The following STRN variants were observed in gnomAD, a reference collection of about 807,000 sequenced individuals.
The protein encoded by STRN is striatin.
STRN carries 53 observed loss-of-function variants against 96.3 expected under a neutral mutation model. That is an observed-to-expected ratio of 0.55 (90% CI 0.44 to 0.69). The LOEUF is 0.69. Ranked by LOEUF, STRN falls within the 30% of genes least tolerant of loss-of-function variation. STRN has a pLI of 0.00. For synonymous variants in STRN, 428 were observed against 355.9 expected, an observed-to-expected ratio of 1.20 and a Z score of -2.28; for missense variants, 987 against 963.9, an observed-to-expected ratio of 1.02 and a Z score of -0.32.
At chr2:36,931,413 G>C (rs943191000) in intron 1 of STRN, among the ~76,000 whole-genome samples, 1 of 152,154 alleles carries the variant, frequency 6.6e-6, no homozygotes, top group African/African-American at 2.4e-5. Context: ...TTCCAATCTC[G>C]TTAGGGTACA....
intron 8 of STRN, among the ~76,000 whole-genome samples, chr2:36,884,537 A>C (rs1669161376): frequency 6.6e-6 from 1 of 152,176 alleles, no homozygotes; most frequent in Admixed American, 6.5e-5. Flanking sequence ...TTGATTCTTC[A>C]TTCTCCCACA....
chr2:36,903,294 CAT>C (rs1451915337), intron 4 of STRN, among the ~76,000 whole-genome samples: 1 of 152,130 alleles, frequency 6.6e-6, no homozygotes, highest in East Asian at 1.9e-4. Context: ...TGTGTGTACA[CAT>C]GTGTGTGTAT....
intron 1 of STRN, among the ~76,000 whole-genome samples, chr2:36,950,718 G>T (rs190043045): frequency 6.6e-6 from 1 of 152,144 alleles, no homozygotes; most frequent in South Asian, 2.1e-4. Flanking sequence ...ATGAAAAAGC[G>T]TAGAATTTTT....
rs1163133220 is a variant in STRN at position 36,841,481 on chromosome 2, T to C, written c.*7975A>G. 2 of 152,206 alleles carry C rather than the reference T, an allele frequency of 1.3e-5. No individual in the cohort carries two copies. The highest frequency in any genetic ancestry group is 2.9e-5 in the Non-Finnish European group (2 of 68,032). 9.4% of individuals were successfully genotyped at this position (152,206 alleles called of 1,614,324 possible). A position where few individuals can be genotyped will look rare whatever the true frequency, so the allele number is the denominator to read the frequency against. ...TTTTTCTAAAAATCACACTGAGTGA[T>C]ATTATTCTATCAAGAGGATATTCTG... On this transcript the variant is annotated 3_prime_UTR_variant, in exon 18 of 18. Coordinates refer to ENST00000263918, the MANE Select transcript of STRN (RefSeq NM_003162.4).
chr2:36,870,776 G>C (rs757640060), intron 10 of STRN, among the ~76,000 whole-genome samples: 2 of 151,930 alleles, frequency 1.3e-5, no homozygotes, highest in Admixed American at 6.6e-5. Flanking sequence ...TTTTTTAAAA[G>C]TTAACTGTAA....
chr2:36,886,594 G>C, intron 8 of STRN, 122 bp downstream of exon 8: 1 of 717,160 alleles, frequency 1.4e-6, no homozygotes, highest in East Asian at 2.7e-5. Flanking sequence ...CAGGTGAAAA[G>C]GAAAGAGGTC....
chr2:36,914,892 T>C (rs1419309399), intron 3 of STRN, among the ~76,000 whole-genome samples: 2 of 152,088 alleles, frequency 1.3e-5, no homozygotes, highest in African/African-American at 4.8e-5. Context: ...GAATAACCAC[T>C]TTAAAATTTA....
In STRN at chr2:36,849,443, A is replaced by G. The variant is rs1387349583; in HGVS notation, c.*13T>C. 11 of 1,613,278 alleles carry G rather than the reference A, an allele frequency of 6.8e-6. No individual in the cohort carries two copies. The East Asian group carries it at 2.5e-4, about 36-fold the overall frequency. ...ACTTATAAACAGCTAGAAGGTGAAG[A>G]TGATGCATTGCGTCATACAAAGACT... is the stretch of plus-strand genomic sequence containing the variant. On this transcript the variant is annotated 3_prime_UTR_variant, in exon 18 of 18. Transcript: ENST00000263918.
intron 1 of STRN, among the ~76,000 whole-genome samples, chr2:36,950,373 G>A (rs1012394560): frequency 3.3e-5 from 5 of 151,910 alleles, no homozygotes; most frequent in Admixed American, 2.0e-4. Flanking sequence ...GCGCCATCAC[G>A]CCCAGCTAAT....
intron 10 of STRN, among the ~76,000 whole-genome samples, chr2:36,875,628 T>C (rs1668884507): frequency 1.4e-5 from 2 of 143,806 alleles, no homozygotes; most frequent in South Asian, 4.3e-4. Flanking sequence ...ACATGAAATA[T>C]AAGGCAACAA....
At chr2:36,909,272 T>G (rs895986354) in intron 3 of STRN, among the ~76,000 whole-genome samples, 1 of 152,136 alleles carries the variant, frequency 6.6e-6, no homozygotes, top group Non-Finnish European at 1.5e-5. Context: ...TAAGCAGTCA[T>G]TAACTATCAC....
chr2:36,957,751 T>TG lies in STRN; in HGVS notation c.234+8478_234+8479insC, dbSNP rs1336147278. On this transcript the variant is annotated intron_variant, in intron 1 of 17. Transcript: ENST00000263918. The stretch of plus-strand genomic sequence containing the variant: ...CATAGTTCTTCTTTTTGTCTTTTTT[T>TG]TTTTTTTTTTTTTTTTTTTTTGAGG... Among the ~76,000 whole-genome samples, 80 of 79,380 alleles carry TG rather than the reference T, an allele frequency of 1.0e-3. 1 individual carries two copies. Among genetic ancestry groups the TG allele is most frequent in the African/African-American group, 5.3e-3 (79 of 15,032 alleles). The allele number at this position is 79,380 out of a possible 152,430, so 52.1% of individuals were successfully genotyped here.
At position 36,847,017 on chromosome 2, in the gene STRN, G is replaced by A. The variant is rs897282015; in HGVS notation, c.*2439C>T. The A allele has an allele frequency of 4.6e-5, 7 of 152,146 alleles. No homozygotes were observed. Among genetic ancestry groups the A allele is most frequent in the Admixed American group, 2.0e-4 (3 of 15,256 alleles). 9.4% of individuals were successfully genotyped at this position (152,146 alleles called of 1,614,324 possible). ...TCATTGAATGTTCAACAGGCTAGGG[G>A]AAAAGTCAGACACATGTATATGCTA... is the stretch of plus-strand genomic sequence containing the variant. On this transcript the variant is annotated 3_prime_UTR_variant, in exon 18 of 18. Transcript: ENST00000263918.
intron 1 of STRN, among the ~76,000 whole-genome samples, chr2:36,946,267 T>A (rs1179745294): frequency 4.0e-5 from 6 of 151,046 alleles, no homozygotes; most frequent in African/African-American, 1.5e-4. Flanking sequence ...CATCCAAATA[T>A]GAGAAAGAAA....
In STRN at chr2:36,847,454, T is replaced by G. The variant is rs566605701; in HGVS notation, c.*2002A>C. On this transcript the variant is annotated 3_prime_UTR_variant, in exon 18 of 18. Transcript: ENST00000263918. ...ATGTTAGGTTAGAAACATTCTTTCT[T>G]CACTGTGAAGAACCAAAAGAAATTT... is the stretch of plus-strand genomic sequence containing the variant. 6.6e-6 allele frequency: 1 copy of G among 152,236 alleles called. No individual in the cohort carries two copies. The highest frequency in any genetic ancestry group is 2.4e-5 in the African/African-American group (1 of 41,550). 9.4% of individuals were successfully genotyped at this position (152,236 alleles called of 1,614,324 possible). A position where few individuals can be genotyped will look rare whatever the true frequency, so the allele number is the denominator to read the frequency against.
At position 36,839,185 on chromosome 2, in the gene STRN, TTC is replaced by T. The variant is rs1667888513; in HGVS notation, c.*10269_*10270del. ...CATTGTTTTTTGCATTTAAATTCAT[TTC>T]TGTCACTTTCTTAACCTGAAAAACA... On this transcript the variant is annotated 3_prime_UTR_variant, in exon 18 of 18. Transcript: ENST00000263918. Among the ~76,000 whole-genome samples the T allele has an allele frequency of 6.6e-6, 1 of 152,184 alleles. No individual in the cohort carries two copies. The highest frequency in any genetic ancestry group is 1.5e-5 in the Non-Finnish European group (1 of 68,032).
chr2:36,872,144 C>T (rs1668777588), intron 10 of STRN, among the ~76,000 whole-genome samples: 1 of 152,188 alleles, frequency 6.6e-6, no homozygotes, highest in Non-Finnish European at 1.5e-5. Context: ...TATATAGTTT[C>T]CTCCCCCATT....
At chr2:36,894,119 G>A (rs1669477879) in intron 6 of STRN, 86 bp from the exon 7 acceptor site, 1 of 1,468,092 alleles carries the variant, frequency 6.8e-7, no homozygotes, top group Non-Finnish European at 9.1e-7. Context: ...TCTTCAGAAA[G>A]TATACGTTTG....
At position 36,846,269 on chromosome 2, in the gene STRN, T is replaced by C. The variant is rs937523498; in HGVS notation, c.*3187A>G. ...TTGTATATACAGTAATTTAAACACT[T>C]AGAACTATATATTATACTGCAAAAG... On this transcript the variant is annotated 3_prime_UTR_variant, in exon 18 of 18. Transcript: ENST00000263918. 1 of 148,582 alleles carries C rather than the reference T, an allele frequency of 6.7e-6. No homozygotes were observed. The highest frequency in any genetic ancestry group is 1.5e-5 in the Non-Finnish European group (1 of 67,294). 9.2% of individuals were successfully genotyped at this position (148,582 alleles called of 1,614,324 possible). A position where few individuals can be genotyped will look rare whatever the true frequency, so the allele number is the denominator to read the frequency against.
Sources: allele counts gnomAD v4.1 joint callset (sites outside exome capture counted in the v4.1 genomes callset), GRCh38; gene constraint gnomAD v4.1.1; transcripts MANE v1.5; gene names NCBI Gene and HGNC (gene_info 2026-07-23, HGNC 2026-07-21).